SPON2: variants seen among roughly 807,000 people sequenced by gnomAD.
SPON2 encodes the protein spondin 2.
A neutral mutation model predicts 29.9 loss-of-function variants in SPON2; 32 were observed. The observed-to-expected ratio is 1.07, with a 90% CI of 0.81 to 1.44. The LOEUF (loss-of-function observed/expected upper bound fraction) is 1.44. Among genes scored for constraint, SPON2 ranks in the 40% most tolerant of loss-of-function variants. The pLI is 0.00. For synonymous variants in SPON2, 248 were observed against 209.1 expected (o/e 1.19, Z -1.61); for missense variants, 541 against 455.5 (o/e 1.19, Z -1.71).
chr4:1,200,495 G>C (rs549236826), intron 1 of SPON2: 1 of 291,896 alleles, frequency 3.4e-6, no homozygotes, highest in South Asian at 3.1e-5. Context: ...CAGCGGGGGC[G>C]GGGGCGGGCT....
intron 1 of SPON2, chr4:1,200,922 TG>T: frequency 2.2e-6 from 1 of 456,722 alleles, no homozygotes; most frequent in Non-Finnish European, 4.4e-6. Context: ...GCCCTGGATG[TG>T]GGCACCCCCG....
intron 1 of SPON2, among the ~76,000 whole-genome samples, chr4:1,183,166 C>T (rs1045205177): frequency 2.1e-5 from 3 of 146,224 alleles, no homozygotes; most frequent in Non-Finnish European, 3.0e-5. Context: ...GCTTAGAACA[C>T]GGGAGGTGGA....
chr4:1,207,363 C>T (rs1048667954), intron 1 of SPON2, among the ~76,000 whole-genome samples: 1 of 152,186 alleles, frequency 6.6e-6, no homozygotes, highest in East Asian at 1.9e-4. Flanking sequence ...AGTGGGCACC[C>T]CCAGCTGGAG....
At chr4:1,197,562 A>T (rs200091570), upstream of SPON2, among the ~76,000 whole-genome samples, 8 of 152,370 alleles carry the variant, frequency 5.3e-5, no homozygotes, top group East Asian at 1.5e-3. Flanking sequence ...GGAAAAAATA[A>T]ACGAGAGGGA....
chr4:1,180,682 G>A (rs1000686125), intron 1 of SPON2, among the ~76,000 whole-genome samples: 2 of 152,178 alleles, frequency 1.3e-5, no homozygotes, highest in Non-Finnish European at 2.9e-5. Context: ...ATCAGTAAAG[G>A]ACAGAAATTA....
chr4:1,167,502 CT>C lies in SPON2; in HGVS notation c.965del (p.Glu322GlyfsTer60). 1 of 1,613,778 alleles carries C rather than the reference CT, an allele frequency of 6.2e-7. No individual in the cohort carries two copies. Among genetic ancestry groups the C allele is most frequent in the Admixed American group, 1.7e-5 (1 of 60,024 alleles). ...NGSPCPELEE[E>X]AECVPDNCV ...CGCAGTTATCAGGGACGCACTCAGC[CT>C]CTTCTTCGAGCTCGGGGCAGGGGCT... On this transcript the variant is annotated frameshift_variant, in exon 6 of 6. Coordinates refer to ENST00000290902, the MANE Select transcript of SPON2 (RefSeq NM_012445.4). LOFTEE classifies it high-confidence loss of function.
chr4:1,168,035 T>G, intron 5 of SPON2: 1 of 203,872 alleles, frequency 4.9e-6, no homozygotes, highest in Non-Finnish European at 9.8e-6. Flanking sequence ...CTGCTACATT[T>G]ACCCGAATAA....
chr4:1,178,687 G>GT (rs1000231576), intron 2 of SPON2, among the ~76,000 whole-genome samples: 50 of 141,278 alleles, frequency 3.5e-4, no homozygotes, highest in African/African-American at 5.3e-4. Flanking sequence ...TCATGCCAGG[G>GT]TTTTTTTTTC....
rs373344119 is a variant in SPON2 at position 1,167,720 on chromosome 4, A to T, written c.812-64T>A. ...GTGAAGAGGCGCTTCGTACAAACGGAAGCCACCTCCCACCAACGTGTGCAT... is the reference window on the plus strand; with the variant it reads ...GTGAAGAGGCGCTTCGTACAAACGGTAGCCACCTCCCACCAACGTGTGCAT... On this transcript the variant is annotated intron_variant, in intron 5 of 5. Transcript: ENST00000290902. 4.3e-4 allele frequency: 640 copies of T among 1,501,950 alleles called. 12 individuals are homozygous for T. In the South Asian group the frequency reaches 7.5e-3, roughly 18 times the overall value. 93.0% of individuals were successfully genotyped at this position (1,501,950 alleles called of 1,614,324 possible).
chr4:1,167,238 A>C lies in SPON2; in HGVS notation c.*234T>G, dbSNP rs1727264705. The C allele has an allele frequency of 4.0e-6, 2 of 499,370 alleles. No individual in the cohort carries two copies. The highest frequency in any genetic ancestry group is 1.9e-5 in the African/African-American group (1 of 51,426). The allele number at this position is 499,370 out of a possible 1,614,324, so 30.9% of individuals were successfully genotyped here. A position where few individuals can be genotyped will look rare whatever the true frequency, so the allele number is the denominator to read the frequency against. ...CCTGCAGGAGGAGGAGGCTGAGAGCAGACGGGACACGGGGGCCCCTAAGAA... is the reference window on the plus strand; with the variant it reads ...CCTGCAGGAGGAGGAGGCTGAGAGCCGACGGGACACGGGGGCCCCTAAGAA... On this transcript the variant is annotated 3_prime_UTR_variant, in exon 6 of 6. Transcript: ENST00000290902.
At chr4:1,201,250 G>T in intron 1 of SPON2, 1 of 399,836 alleles carries the variant, frequency 2.5e-6, no homozygotes, top group Non-Finnish European at 5.2e-6. Flanking sequence ...GCCATGCTGG[G>T]GCCCCATGCC....
At chr4:1,188,954 A>C (rs1727853707) in intron 1 of SPON2, among the ~76,000 whole-genome samples, 1 of 152,180 alleles carries the variant, frequency 6.6e-6, no homozygotes, top group African/African-American at 2.4e-5. Context: ...AATCTCAACA[A>C]ATTTAAAATG....
chr4:1,172,846 GTCCTA>G (rs1727502398), upstream of SPON2: 4 of 144,968 alleles, frequency 2.8e-5, no homozygotes, highest in African/African-American at 1.0e-4. Context: ...TTGTCTGTCT[GTCCTA>G]TCCCTCCCCT....
chr4:1,182,144 G>A (rs1346035989), intron 1 of SPON2, among the ~76,000 whole-genome samples: 2 of 152,056 alleles, frequency 1.3e-5, no homozygotes, highest in East Asian at 3.9e-4. Flanking sequence ...TCAAAATTGT[G>A]ATATTAGATT....
chr4:1,186,022 A>G (rs1469155408), intron 1 of SPON2, among the ~76,000 whole-genome samples: 798 of 150,886 alleles, frequency 5.3e-3, no homozygotes, highest in Non-Finnish European at 8.0e-3. Flanking sequence ...AGGCGGGCGG[A>G]TCACGAGGTC....
upstream of SPON2, among the ~76,000 whole-genome samples, chr4:1,174,510 ACAAAAAACAAAAAC>A (rs1727553328): frequency 2.0e-5 from 3 of 149,342 alleles, no homozygotes; most frequent in African/African-American, 5.1e-5. Flanking sequence ...AAACAAAAAA[ACAAAAAACAAAAAC>A]AAAAAAAACT....
chr4:1,189,375 G>A (rs760243972), intron 1 of SPON2, among the ~76,000 whole-genome samples: 1 of 152,030 alleles, frequency 6.6e-6, no homozygotes, highest in Non-Finnish European at 1.5e-5. Flanking sequence ...AATTAAAACA[G>A]ACCGGGTATG....
At chr4:1,170,772 C>T (rs953462632) in intron 4 of SPON2, 196 bp from the exon 5 acceptor site, 10 of 941,608 alleles carry the variant, frequency 1.1e-5, no homozygotes, top group Admixed American at 2.0e-5. Flanking sequence ...GCAGCCTCCT[C>T]GGGACGCGCG....
intron 5 of SPON2, 192 bp from the exon 6 acceptor site, chr4:1,167,848 C>T (rs1471159044): frequency 5.7e-6 from 3 of 528,016 alleles, no homozygotes; most frequent in Non-Finnish European, 9.6e-6. Context: ...TCGGACACAA[C>T]CTAGGGACTG....
Sources: allele counts gnomAD v4.1 joint callset (sites outside exome capture counted in the v4.1 genomes callset), GRCh38; gene constraint gnomAD v4.1.1; transcripts MANE v1.5; gene names NCBI Gene and HGNC (gene_info 2026-07-23, HGNC 2026-07-21).